Variants in PELP1 observed in about 807,000 individuals in gnomAD.
The protein encoded by PELP1 is proline, glutamate and leucine rich protein 1, also known as proline-, glutamic acid- and leucine-rich protein 1.
PELP1 carries 32 observed loss-of-function variants against 95.5 expected under a neutral mutation model. That is an observed-to-expected ratio of 0.34 (90% CI 0.25 to 0.45). The LOEUF (loss-of-function observed/expected upper bound fraction) is 0.45. PELP1 is among the 20% of genes least tolerant of loss of function. The probability of loss-of-function intolerance (pLI) is 1.00; values close to 1 mark genes in which losing one functional copy is unlikely to be tolerated. For missense variants in PELP1, 1,358 were observed against 1,444.8 expected, an observed-to-expected ratio of 0.94 and a Z score of 0.97; for synonymous variants, 668 against 600.1, an observed-to-expected ratio of 1.11 and a Z score of -1.65.
rs774738332 is a variant in PELP1, at chr17:4,673,460, A to G, written c.1639-4T>C. Reference sequence around the variant, plus strand: ...GGAGGACCAGGTCATGCAGTCTCTGAAAAGGACAGAGCACACCTGGAAACA... The same window carrying G: ...GGAGGACCAGGTCATGCAGTCTCTGGAAAGGACAGAGCACACCTGGAAACA... On this transcript the variant is annotated splice_polypyrimidine_tract_variant and splice_region_variant and intron_variant, in intron 14 of 16. Transcript: ENST00000572293. This position sits in a 1 kb window ranked among gnomAD's most constrained non-coding sequence, Gnocchi z 5.7. 6.3e-7 allele frequency: 1 copy of G among 1,587,392 alleles called. No individual in the cohort carries two copies. The highest frequency in any genetic ancestry group is 8.6e-7 in the Non-Finnish European group (1 of 1,166,472).
Position 4,704,064 on chromosome 17 carries a change from C to T in PELP1, c.48G>A (p.Gly16=), listed in dbSNP as rs1347067331. 1 of 1,612,110 alleles carries T rather than the reference C, an allele frequency of 6.2e-7. No homozygotes were observed. Among genetic ancestry groups the T allele is most frequent in the South Asian group, 1.1e-5 (1 of 91,038 alleles). ...AGAGACCCCCGGTCCCGCCAGGAACCCCAGCCGCGGAGCCCGCAGAGGGCC... is the reference window on the plus strand; with the variant it reads ...AGAGACCCCCGGTCCCGCCAGGAACTCCAGCCGCGGAGCCCGCAGAGGGCC... The part of the protein sequence containing the change: ...LSGPSAGSAA[G]VPGGTGGLSA... The change falls in exon 1 of 17, where the codon GGG becomes GGA. Residue 16 remains glycine, a synonymous_variant. Coordinates refer to ENST00000572293, the MANE Select transcript of PELP1 (RefSeq NM_014389.3).
intron 5 of PELP1, among the ~76,000 whole-genome samples, chr17:4,681,660 C>T (rs1880739480): frequency 6.6e-6 from 1 of 151,728 alleles, no homozygotes; most frequent in Admixed American, 6.6e-5. Flanking sequence ...ATTAGCTGGG[C>T]GTAGTGGTAT....
At position 4,671,172 on chromosome 17, in the gene PELP1, T is replaced by C. The variant is rs1224364564; in HGVS notation, c.*267A>G. 1 of 516,482 alleles carries C rather than the reference T, an allele frequency of 1.9e-6. No individual in the cohort carries two copies. Among genetic ancestry groups the C allele is most frequent in the Admixed American group, 3.3e-5 (1 of 29,942 alleles). The allele number at this position is 516,482 out of a possible 1,614,324, so 32.0% of individuals were successfully genotyped here. ...TTAACCCTACACACAATTCTGCACG[T>C]TTAGCATCCAGCCAGAATCCTACAA... On this transcript the variant is annotated 3_prime_UTR_variant, in exon 17 of 17. Coordinates refer to ENST00000572293, the MANE Select transcript of PELP1 (RefSeq NM_014389.3).
intron 1 of PELP1, among the ~76,000 whole-genome samples, chr17:4,697,378 G>A (rs1913338404): frequency 6.6e-6 from 1 of 152,106 alleles, no homozygotes; most frequent in Non-Finnish European, 1.5e-5. Flanking sequence ...GCTGGGTGTG[G>A]GGGCACACAC....
intron 3 of PELP1, among the ~76,000 whole-genome samples, chr17:4,683,272 G>C (rs1436922835): frequency 2.0e-5 from 3 of 149,492 alleles, no homozygotes; most frequent in South Asian, 2.1e-4. Flanking sequence ...CCAGGCTGGA[G>C]TGCAGTGGCG....
chr17:4,695,928 A>C (rs1451019061), intron 1 of PELP1, among the ~76,000 whole-genome samples: 1 of 151,536 alleles, frequency 6.6e-6, no homozygotes, highest in Non-Finnish European at 1.5e-5. Context: ...TGGCCTCCGA[A>C]AGTGCTGGGA....
chr17:4,688,384 G>A (rs1019438151), intron 3 of PELP1, among the ~76,000 whole-genome samples: 7 of 151,570 alleles, frequency 4.6e-5, no homozygotes, highest in African/African-American at 1.2e-4. Context: ...CATCTAAATC[G>A]GTAAAGGGGA....
chr17:4,674,712 C>A, intron 12 of PELP1, 43 bp from the exon 13 acceptor site: 2 of 1,586,518 alleles, frequency 1.3e-6, no homozygotes, highest in Non-Finnish European at 1.7e-6. Flanking sequence ...AGGCAAACAA[C>A]AAGGCAAGAC....
chr17:4,690,754 T>C (rs1913069474), intron 3 of PELP1, 134 bp downstream of exon 3: 3 of 610,666 alleles, frequency 4.9e-6, no homozygotes, highest in Non-Finnish European at 8.8e-6. Flanking sequence ...GCTTATCCTC[T>C]CTGCTATCAG....
At chr17:4,683,755 T>G (rs1912802515) in intron 3 of PELP1, among the ~76,000 whole-genome samples, 1 of 121,450 alleles carries the variant, frequency 8.2e-6, no homozygotes, top group African/African-American at 3.0e-5. Context: ...GGTCTTGAAC[T>G]CTGGGAGTCA....
chr17:4,682,809 C>T lies in PELP1; in HGVS notation c.564G>A (p.Arg188=). The T allele has an allele frequency of 6.3e-7, 1 of 1,578,438 alleles. No individual in the cohort carries two copies. The highest frequency in any genetic ancestry group is 1.3e-5 in the African/African-American group (1 of 74,260). ...GTCCAGGGAGACATCTCACCTCTGGCCTGAGGCCCAGCAGGGAGGTGAGAA... is the reference window on the plus strand; with the variant it reads ...GTCCAGGGAGACATCTCACCTCTGGTCTGAGGCCCAGCAGGGAGGTGAGAA... ...PGLLTSLLGL[R]PECEQSALEG... is the part of the protein sequence containing the mutation. The change falls in exon 4 of 17, where the codon AGG becomes AGA. Residue 188 remains arginine (R), a synonymous_variant. Coordinates refer to ENST00000572293, the MANE Select transcript of PELP1 (RefSeq NM_014389.3).
rs1456606082 is a variant in PELP1, at chr17:4,675,506, C to CCCTAT, written c.1069-149_1069-145dup. On this transcript the variant is annotated intron_variant, in intron 9 of 16. Coordinates refer to ENST00000572293, the MANE Select transcript of PELP1 (RefSeq NM_014389.3). The surrounding 1 kb of genome is among the most constrained non-coding windows in gnomAD (Gnocchi z 4.3). ...CTCAGCTCTCCCAACAAAATCAAAC[C>CCCTAT]CCTATCCTCTAAAATAGACCCTGGA... 2.8e-6 allele frequency: 2 copies of CCCTAT among 720,938 alleles called. No homozygotes were observed. The allele number at this position is 720,938 out of a possible 1,614,324, so 44.7% of individuals were successfully genotyped here.
intron 1 of PELP1, chr17:4,691,792 T>C (rs1223770938): frequency 1.3e-5 from 3 of 225,994 alleles, no homozygotes. Flanking sequence ...CATCCATAAA[T>C]GCTTGCTGAA....
chr17:4,683,127 A>C, intron 3 of PELP1, 175 bp from the exon 4 acceptor site: 1 of 1,249,280 alleles, frequency 8.0e-7, no homozygotes, highest in Non-Finnish European at 1.0e-6. Flanking sequence ...TTTACATTTT[A>C]CTATTACGGG....
At chr17:4,677,939 G>A (rs1037728808) in intron 5 of PELP1, among the ~76,000 whole-genome samples, 3 of 151,732 alleles carry the variant, frequency 2.0e-5, no homozygotes, top group Non-Finnish European at 4.4e-5. Flanking sequence ...AAAAAGGCCA[G>A]GCACGGTGGC....
chr17:4,673,554 AC>A lies in PELP1; in HGVS notation c.1638+64del. The A allele has an allele frequency of 6.3e-7, 1 of 1,575,704 alleles. No homozygotes were observed. Among genetic ancestry groups the A allele is most frequent in the Non-Finnish European group, 8.7e-7 (1 of 1,145,742 alleles). On this transcript the variant is annotated intron_variant, in intron 14 of 16. Transcript: ENST00000572293. This position sits in a 1 kb window ranked among gnomAD's most constrained non-coding sequence, Gnocchi z 5.7. ...CGGAATGGACCCACCTCTGGGCCAC[AC>A]CCCCCAATGTGTACAGAGCAGGGGC...
chr17:4,691,637 T>C, intron 1 of PELP1, 195 bp from the exon 2 acceptor site: 1 of 595,542 alleles, frequency 1.7e-6, no homozygotes, highest in Non-Finnish European at 3.0e-6. Context: ...TCTCGGCCTT[T>C]CCTCAAGTTA....
intron 5 of PELP1, among the ~76,000 whole-genome samples, chr17:4,677,892 G>T (rs1308699815): frequency 1.3e-5 from 2 of 150,452 alleles, no homozygotes; most frequent in African/African-American, 2.4e-5. Context: ...CTCTAGCCTG[G>T]GTGATGAGAG....
At chr17:4,688,846 A>C (rs1391380638) in intron 3 of PELP1, among the ~76,000 whole-genome samples, 4 of 152,338 alleles carry the variant, frequency 2.6e-5, no homozygotes, top group African/African-American at 9.6e-5. Flanking sequence ...CGAAAAAACA[A>C]TCCAAAAATT....
Sources: gnomAD v4.1 joint callset for allele counts (sites outside exome capture counted in the v4.1 genomes callset) on GRCh38, gnomAD v4.1.1 for gene constraint, Gnocchi (gnomAD v3.1) non-coding constraint, MANE v1.5 for transcripts, NCBI Gene and HGNC (gene_info 2026-07-23, HGNC 2026-07-21) for gene names.